Variants in RGS7 observed in about 807,000 individuals in gnomAD.
RGS7 encodes regulator of G protein signaling 7.
Under a neutral mutation model 81.1 loss-of-function variants are expected in RGS7, and 27 were observed. The ratio of observed to expected loss-of-function variants is 0.33; its 90% CI spans 0.25 to 0.46. The LOEUF (loss-of-function observed/expected upper bound fraction) is 0.46. Ranked by LOEUF, RGS7 falls within the 20% of genes least tolerant of loss-of-function variation. The pLI is 1.00. For synonymous variants in RGS7, 208 were observed against 207.7 expected, an observed-to-expected ratio of 1.00 and a Z score of -0.01; for missense variants, 396 against 607.4, an observed-to-expected ratio of 0.65 and a Z score of 3.66.
chr1:240,892,873 A>T (rs1668489091), intron 6 of RGS7, among the ~76,000 whole-genome samples: 1 of 152,172 alleles, frequency 6.6e-6, no homozygotes, highest in Non-Finnish European at 1.5e-5. Context: ...AACTCTGTTG[A>T]ACTATTTCTC....
chr1:241,036,612 T>A (rs1397148079), intron 3 of RGS7, among the ~76,000 whole-genome samples: 1 of 152,030 alleles, frequency 6.6e-6, no homozygotes, highest in African/African-American at 2.4e-5. Flanking sequence ...ACCAGCAGAG[T>A]TTTTCTAATA....
At chr1:241,081,173 T>C (rs2063110050) in intron 3 of RGS7, among the ~76,000 whole-genome samples, 1 of 152,056 alleles carries the variant, frequency 6.6e-6, no homozygotes, top group African/African-American at 2.4e-5. Context: ...CATAAATGTA[T>C]TATTTTCTAT....
At chr1:240,969,780 C>A (rs1277543977) in intron 4 of RGS7, among the ~76,000 whole-genome samples, 1 of 152,184 alleles carries the variant, frequency 6.6e-6, no homozygotes, top group African/African-American at 2.4e-5. Context: ...TGCCGACACA[C>A]CAGGTATGAA....
intron 2 of RGS7, among the ~76,000 whole-genome samples, chr1:241,124,047 C>A (rs907203150): frequency 6.6e-6 from 1 of 151,982 alleles, no homozygotes; most frequent in East Asian, 1.9e-4. Context: ...TTAGGTCAAG[C>A]ATTAATAAAG....
intron 2 of RGS7, among the ~76,000 whole-genome samples, chr1:241,266,681 T>C (rs1194564972): frequency 2.0e-5 from 3 of 152,238 alleles, no homozygotes; most frequent in Non-Finnish European, 4.4e-5. Context: ...CCACACTTTG[T>C]AGGACTAAGA....
chr1:240,779,928 G>C (rs1415290830), intron 18 of RGS7, among the ~76,000 whole-genome samples: 1 of 151,992 alleles, frequency 6.6e-6, no homozygotes, highest in Admixed American at 6.6e-5. Flanking sequence ...TCACTATTCT[G>C]ACTCTAAAAG....
intron 2 of RGS7, among the ~76,000 whole-genome samples, chr1:241,117,998 G>T (rs2065987936): frequency 6.6e-6 from 1 of 152,122 alleles, no homozygotes; most frequent in African/African-American, 2.4e-5. Flanking sequence ...TCATGACCCA[G>T]CACATACATG....
chr1:240,851,519 G>A (rs1443176648), intron 9 of RGS7, among the ~76,000 whole-genome samples: 1 of 152,192 alleles, frequency 6.6e-6, no homozygotes, highest in Non-Finnish European at 1.5e-5. Context: ...TGTAGTCAAT[G>A]GATGAAAGAG....
intron 14 of RGS7, among the ~76,000 whole-genome samples, chr1:240,809,963 A>T (rs1689562744): frequency 6.6e-6 from 1 of 152,188 alleles, no homozygotes. Flanking sequence ...AATGATTAAG[A>T]TATGAAATGA....
intron 9 of RGS7, among the ~76,000 whole-genome samples, chr1:240,846,864 T>A (rs1006682985): frequency 6.6e-6 from 1 of 152,154 alleles, no homozygotes; most frequent in African/African-American, 2.4e-5. Context: ...GAACTGAAGC[T>A]GCCTGCAAAC....
At chr1:240,847,739 A>G (rs1020791141) in intron 9 of RGS7, among the ~76,000 whole-genome samples, 3 of 152,200 alleles carry the variant, frequency 2.0e-5, no homozygotes, top group African/African-American at 7.2e-5. Flanking sequence ...CATTCTTTAT[A>G]GTCAGGTTTT....
chr1:240,980,551 T>C (rs1684762559), intron 4 of RGS7, among the ~76,000 whole-genome samples: 1 of 152,190 alleles, frequency 6.6e-6, no homozygotes, highest in Non-Finnish European at 1.5e-5. Flanking sequence ...CTTGGCATTA[T>C]AACCACTTAG....
chr1:241,317,223 T>TA (rs2080934393), intron 2 of RGS7, among the ~76,000 whole-genome samples: 1 of 152,178 alleles, frequency 6.6e-6, no homozygotes, highest in Non-Finnish European at 1.5e-5. Context: ...GTAAATGGAG[T>TA]AAAAAACTAG....
intron 2 of RGS7, among the ~76,000 whole-genome samples, chr1:241,193,273 C>A (rs1048154650): frequency 1.3e-5 from 2 of 152,238 alleles, no homozygotes; most frequent in Non-Finnish European, 2.9e-5. Flanking sequence ...AAACCTAATT[C>A]TCCCGCAAGA....
chr1:241,300,272 G>A (rs188782408), intron 2 of RGS7, among the ~76,000 whole-genome samples: 139 of 152,156 alleles, frequency 9.1e-4, no homozygotes, highest in Non-Finnish European at 1.7e-3. Context: ...AACCTACATC[G>A]CTACATCATA....
chr1:241,081,973 A>G (rs565154185), intron 3 of RGS7, among the ~76,000 whole-genome samples: 2 of 152,272 alleles, frequency 1.3e-5, no homozygotes, highest in South Asian at 4.1e-4. Context: ...GCATAATAGA[A>G]CCATTTCAGT....
At chr1:240,826,208 G>C (rs1692792292) in intron 10 of RGS7, among the ~76,000 whole-genome samples, 1 of 152,190 alleles carries the variant, frequency 6.6e-6, no homozygotes, top group African/African-American at 2.4e-5. Flanking sequence ...AATTGGTTTT[G>C]TGGTGCTTTG....
At chr1:241,036,264 G>A (rs535176764) in intron 3 of RGS7, among the ~76,000 whole-genome samples, 1 of 152,310 alleles carries the variant, frequency 6.6e-6, no homozygotes, top group South Asian at 2.1e-4. Flanking sequence ...TAAACCTTAT[G>A]TCAGTTGTGA....
intron 3 of RGS7, among the ~76,000 whole-genome samples, chr1:241,035,096 G>C (rs2148744161): frequency 6.6e-6 from 1 of 152,220 alleles, no homozygotes; most frequent in East Asian, 1.9e-4. Flanking sequence ...TAACTCTCAG[G>C]ATACAATGAG....
Sources: allele counts gnomAD v4.1 joint callset (sites outside exome capture counted in the v4.1 genomes callset), GRCh38; gene constraint gnomAD v4.1.1; transcripts MANE v1.5; gene names NCBI Gene and HGNC (gene_info 2026-07-23, HGNC 2026-07-21).